WDR35: variants seen among roughly 807,000 people sequenced by gnomAD.
WDR35 encodes WD repeat-containing protein 35.
Under a neutral mutation model 158.3 loss-of-function variants are expected in WDR35, and 118 were observed. That is an observed-to-expected ratio of 0.75 (90% CI 0.64 to 0.87). WDR35 has a LOEUF of 0.87. WDR35 is among the 40% of genes least tolerant of loss of function. WDR35 has a pLI of 0.00. For synonymous variants in WDR35, 448 were observed against 476.1 expected (o/e 0.94, Z 0.77); for missense variants, 1,263 against 1,405.8 (o/e 0.90, Z 1.62).
At position 19,960,554 on chromosome 2, in the gene WDR35, C is replaced by T; in HGVS notation, c.1255G>A (p.Val419Ile). 6.2e-7 allele frequency: 1 copy of T among 1,602,238 alleles called. No individual in the cohort carries two copies. The highest frequency in any genetic ancestry group is 8.5e-7 in the Non-Finnish European group (1 of 1,170,784). ...TPLDPKYIDI[V>I]PLFVAMTKTH... ...GAAATAAATATCAACATTTCCTTAC[C>T]AATATCAATGTATTTGGGATCCAAG... Residue 419 changes from valine to isoleucine, a missense_variant and splice_region_variant, in exon 11 of 27, where the codon GTA (valine) becomes ATA (isoleucine). Transcript: ENST00000281405.
rs1671969504 is a variant in WDR35 at position 19,969,566 on chromosome 2, C to A, written c.922G>T (p.Ala308Ser). 1 of 1,613,782 alleles carries A rather than the reference C, an allele frequency of 6.2e-7. No homozygotes were observed. The stretch of plus-strand genomic sequence containing the variant: ...AGTCCACCTCCTTCCCAAGATAGTG[C>A]AGATATTTCCTTTCCAGGAACTTTC... Reference protein sequence around the residue: ...TLKVPGKEISALSWEGGGLKI... With the variant: ...TLKVPGKEISSLSWEGGGLKI... Residue 308 changes from alanine (A) to serine (S), a missense_variant, in exon 9 of 27, where the codon GCA becomes TCA. Physicochemically the swap from Ala to Ser is moderately conservative, Grantham distance 99. Transcript: ENST00000281405.
intron 25 of WDR35, among the ~76,000 whole-genome samples, chr2:19,919,445 T>C (rs1338602496): frequency 7.5e-6 from 1 of 134,078 alleles, no homozygotes; most frequent in East Asian, 2.2e-4. Flanking sequence ...CAACACCACA[T>C]AACTACCTGG....
intron 12 of WDR35, among the ~76,000 whole-genome samples, chr2:19,952,781 CTTTTTTT>C (rs773596785): frequency 2.3e-5 from 2 of 86,266 alleles, no homozygotes; most frequent in African/African-American, 4.6e-5. Flanking sequence ...ACTCAACATA[CTTTTTTT>C]TTTTTTTTTT....
chr2:19,921,903 G>A (rs1670179596), intron 25 of WDR35, among the ~76,000 whole-genome samples: 1 of 152,196 alleles, frequency 6.6e-6, no homozygotes, highest in Non-Finnish European at 1.5e-5. Context: ...ATCAAAAAGT[G>A]GGTGAAGGAT....
chr2:19,989,391 C>T (rs1672675547), intron 1 of WDR35, 109 bp from the exon 2 acceptor site: 2 of 1,014,964 alleles, frequency 2.0e-6, no homozygotes, highest in Non-Finnish European at 1.6e-6. Context: ...AAACGAACGG[C>T]CTTGCAGAAA....
At chr2:19,938,033 G>A in intron 18 of WDR35, 87 bp from the exon 19 acceptor site, 1 of 1,494,758 alleles carries the variant, frequency 6.7e-7, no homozygotes, top group Non-Finnish European at 9.2e-7. Flanking sequence ...TATCATTTAT[G>A]TCTATTATTT....
chr2:19,965,420 T>C (rs1671817348), intron 10 of WDR35, among the ~76,000 whole-genome samples: 1 of 152,160 alleles, frequency 6.6e-6, no homozygotes, highest in African/African-American at 2.4e-5. Flanking sequence ...GTCTTTACTG[T>C]AAGGTGATGG....
At chr2:19,955,894 G>A (rs1476051514) in intron 11 of WDR35, among the ~76,000 whole-genome samples, 1 of 151,324 alleles carries the variant, frequency 6.6e-6, no homozygotes, top group Non-Finnish European at 1.5e-5. Context: ...AAATAACTCA[G>A]TCCAACTGAG....
chr2:19,951,568 A>T, intron 12 of WDR35, 84 bp from the exon 13 acceptor site: 1 of 1,008,368 alleles, frequency 9.9e-7, no homozygotes, highest in African/African-American at 1.6e-5. Context: ...ATTGGACAAC[A>T]TCAATTAATA....
intron 8 of WDR35, among the ~76,000 whole-genome samples, chr2:19,972,871 G>A (rs978509892): frequency 9.9e-5 from 15 of 152,062 alleles, no homozygotes; most frequent in Admixed American, 5.2e-4. Context: ...TTCAAAAAAC[G>A]TATTAAGCTT....
intron 6 of WDR35, among the ~76,000 whole-genome samples, chr2:19,975,069 A>G (rs1357903563): frequency 6.6e-6 from 1 of 152,122 alleles, no homozygotes; most frequent in Non-Finnish European, 1.5e-5. Flanking sequence ...ATCCTATTCT[A>G]TTTTACCTTC....
At position 19,974,624 on chromosome 2, in the gene WDR35, T is replaced by C; in HGVS notation, c.580A>G (p.Lys194Glu). 2 of 1,613,414 alleles carry C rather than the reference T, an allele frequency of 1.2e-6. No individual in the cohort carries two copies. Among genetic ancestry groups the C allele is most frequent in the South Asian group, 1.1e-5 (1 of 90,946 alleles). ...DNQGNFMIKM[K>E]LSCLVNVTGA... ...GTGACATTCACCAAACAACTCAGTT[T>C]CATTTTTATCTAAATAAAATTGGTT... The change falls in exon 7 of 27, where the codon AAA (lysine) becomes GAA (glutamate). Residue 194 changes from lysine (K) to glutamate (E), a missense_variant. Physicochemically the swap from Lys to Glu is moderately conservative, Grantham distance 56 (BLOSUM62 1). Transcript: ENST00000281405.
intron 4 of WDR35, among the ~76,000 whole-genome samples, chr2:19,979,307 T>TA (rs1343473063): frequency 6.6e-6 from 1 of 152,146 alleles, no homozygotes; most frequent in East Asian, 1.9e-4. Context: ...CATATGCACA[T>TA]AAACTCTCCA....
rs953956229 is a variant in WDR35, at chr2:19,972,813, G to C, written c.882+750C>G. ...TATGGCGAATTTATAAAAGCCAACA[G>C]GGTATTCAAAAGGGACAAAATATAG... On this transcript the variant is annotated intron_variant, in intron 8 of 26. Transcript: ENST00000281405. 3.9e-5 allele frequency among the ~76,000 whole-genome samples: 6 copies of C among 152,062 alleles called. No homozygotes were observed. In the East Asian group the frequency reaches 1.2e-3, roughly 29 times the overall value.
chr2:19,930,269 C>T, intron 25 of WDR35, 127 bp downstream of exon 25: 4 of 1,412,516 alleles, frequency 2.8e-6, no homozygotes, highest in East Asian at 4.6e-5. Context: ...AAGACTCAAA[C>T]ATAGGAAAAT....
rs989854540 is a variant in WDR35, at chr2:19,934,391, A to G, written c.2548-880T>C. The stretch of plus-strand genomic sequence containing the variant: ...ATCTTTGTCCTTTGAATATATATGT[A>G]TATGTTTGTGTTGTACACAATCACA... On this transcript the variant is annotated intron_variant, in intron 21 of 26. Coordinates refer to ENST00000281405, the MANE Select transcript of WDR35 (RefSeq NM_020779.4). The surrounding 1 kb of genome is among the most constrained non-coding windows in gnomAD (Gnocchi z 4.6). Among the ~76,000 whole-genome samples the G allele has an allele frequency of 1.3e-5, 2 of 152,134 alleles. No individual in the cohort carries two copies. Among genetic ancestry groups the G allele is most frequent in the African/African-American group, 4.8e-5 (2 of 41,444 alleles).
rs1048379375 is a variant in WDR35, at chr2:19,987,639, C to T, written c.142+1526G>A. Reference sequence around the variant, plus strand: ...GAGATCAAGACCATCCTGGCTAACACGGTGAAACCCTGTCTCTACTAAAAA... The same window carrying T: ...GAGATCAAGACCATCCTGGCTAACATGGTGAAACCCTGTCTCTACTAAAAA... On this transcript the variant is annotated intron_variant, in intron 2 of 26. Transcript: ENST00000281405. Among the ~76,000 whole-genome samples the T allele has an allele frequency of 3.3e-5, 5 of 151,676 alleles. No individual in the cohort carries two copies. In the East Asian group the frequency reaches 7.7e-4, roughly 23 times the overall value.
intron 5 of WDR35, among the ~76,000 whole-genome samples, chr2:19,978,292 A>T (rs757361668): frequency 1.1e-4 from 16 of 152,216 alleles, no homozygotes; most frequent in Non-Finnish European, 2.2e-4. Context: ...AAATTAAAAC[A>T]AAGGTGCAGA....
chr2:19,911,559 G>A lies in WDR35; in HGVS notation c.*1999C>T, dbSNP rs1669834561. ...TTGTTAGGATGTGATTTTCTGATTT[G>A]GGGAAATTTCCCATTCTGGTATAGA... On this transcript the variant is annotated 3_prime_UTR_variant, in exon 27 of 27. Transcript: ENST00000281405. The A allele has an allele frequency of 1.3e-5, 2 of 152,184 alleles. No individual in the cohort carries two copies. The highest frequency in any genetic ancestry group is 6.5e-5 in the Admixed American group (1 of 15,272). The allele number at this position is 152,184 out of a possible 1,614,324, so 9.4% of individuals were successfully genotyped here.
Sources: allele counts gnomAD v4.1 joint callset (sites outside exome capture counted in the v4.1 genomes callset), GRCh38; gene constraint gnomAD v4.1.1; non-coding constraint Gnocchi (gnomAD v3.1); transcripts MANE v1.5; gene names NCBI Gene and HGNC (gene_info 2026-07-23, HGNC 2026-07-21).